Variants in PRTN3 observed in about 807,000 individuals in gnomAD.
PRTN3 encodes myeloblastin.
In PRTN3, 22 loss-of-function variants were observed where a neutral mutation model predicts 20.7. That is an observed-to-expected ratio of 1.06 (90% CI 0.76 to 1.52). The LOEUF (loss-of-function observed/expected upper bound fraction) is 1.52, where lower values mean the gene tolerates loss of function less well. Ranked by LOEUF, PRTN3 falls within the 40% of genes most tolerant of loss-of-function variation. PRTN3 has a pLI of 0.00. For missense variants in PRTN3, 378 were observed against 359.6 expected, an observed-to-expected ratio of 1.05 and a Z score of -0.41; for synonymous variants, 173 against 152.9, an observed-to-expected ratio of 1.13 and a Z score of -0.97.
chr19:847,160 G>C (rs952021184), intron 4 of PRTN3, among the ~76,000 whole-genome samples: 6 of 152,154 alleles, frequency 3.9e-5, no homozygotes, highest in Non-Finnish European at 7.3e-5. Context: ...TTAAATATTA[G>C]CTGGGCATGG....
At chr19:841,510 G>T (rs1049272377) in intron 1 of PRTN3, among the ~76,000 whole-genome samples, 2 of 147,388 alleles carry the variant, frequency 1.4e-5, no homozygotes, top group Non-Finnish European at 3.0e-5. Flanking sequence ...GTGAATGAGT[G>T]AACGAATGAA....
rs773854252 is a variant in PRTN3, at chr19:843,440, G to A, written c.62-21G>A. ...CCCTGCAGCCTGGGGGCTCCCTGACGCCTGGACTCCCCCCCTGCAGGTGCT... is the reference window on the plus strand; with the variant it reads ...CCCTGCAGCCTGGGGGCTCCCTGACACCTGGACTCCCCCCCTGCAGGTGCT... On this transcript the variant is annotated intron_variant, in intron 1 of 4. Coordinates refer to ENST00000234347, the MANE Select transcript of PRTN3 (RefSeq NM_002777.4). 2.2e-5 allele frequency: 34 copies of A among 1,534,594 alleles called. No homozygotes were observed. In the African/African-American group the frequency reaches 4.3e-4, roughly 19 times the overall value.
chr19:846,007 G>T (rs892885132), intron 3 of PRTN3, 140 bp from the exon 4 acceptor site: 2 of 566,590 alleles, frequency 3.5e-6, no homozygotes, highest in African/African-American at 1.9e-5. Flanking sequence ...TGGGACAAAG[G>T]GGGTCGTGGG....
chr19:847,003 C>A (rs1599285483), intron 4 of PRTN3, among the ~76,000 whole-genome samples: 1 of 152,220 alleles, frequency 6.6e-6, no homozygotes, highest in Middle Eastern at 3.4e-3. Flanking sequence ...CTGGTGCTCA[C>A]ACATTTTAAA....
At position 845,168 on chromosome 19, in the gene PRTN3, G is replaced by A. The variant is rs566514801; in HGVS notation, c.370-979G>A. ...TTGCCACGTTGGCCAGGCTGGTCTC[G>A]AACTCCTGACCTCAAGTGATCTGCT... On this transcript the variant is annotated intron_variant, in intron 3 of 4. Coordinates refer to ENST00000234347, the MANE Select transcript of PRTN3 (RefSeq NM_002777.4). 5.3e-5 allele frequency among the ~76,000 whole-genome samples: 8 copies of A among 151,678 alleles called. No homozygotes were observed. In the South Asian group the frequency reaches 8.3e-4, roughly 16 times the overall value.
chr19:844,591 G>C (rs950135303), intron 3 of PRTN3, among the ~76,000 whole-genome samples: 1 of 147,230 alleles, frequency 6.8e-6, no homozygotes, highest in African/African-American at 2.5e-5. Context: ...GCCTCCTCCG[G>C]CGCCTCCCCT....
chr19:846,437 C>T (rs1354037378), intron 4 of PRTN3, 60 bp downstream of exon 4: 12 of 1,476,284 alleles, frequency 8.1e-6, no homozygotes, highest in African/African-American at 2.8e-5. Context: ...AGGGCGGCGG[C>T]CAGGGTTCCA....
intron 1 of PRTN3, among the ~76,000 whole-genome samples, chr19:842,810 T>A (rs564677633): frequency 3.3e-5 from 5 of 152,158 alleles, no homozygotes; most frequent in East Asian, 1.9e-4. Context: ...ATGGTCTCCA[T>A]CTCTTGACCT....
chr19:846,414 C>T, intron 4 of PRTN3, 37 bp downstream of exon 4: 1 of 1,535,436 alleles, frequency 6.5e-7, no homozygotes, highest in South Asian at 1.2e-5. Flanking sequence ...CACCGGGCTG[C>T]CATGAGGGGA....
At chr19:845,825 C>T (rs1242732566) in intron 3 of PRTN3, among the ~76,000 whole-genome samples, 2 of 151,976 alleles carry the variant, frequency 1.3e-5, no homozygotes, top group Non-Finnish European at 2.9e-5. Flanking sequence ...AGGCAGATCA[C>T]TTGAGGTTGG....
At chr19:846,485 A>T (rs2035518618) in intron 4 of PRTN3, 108 bp downstream of exon 4, 1 of 1,165,222 alleles carries the variant, frequency 8.6e-7, no homozygotes, top group African/African-American at 1.6e-5. Context: ...GCTGTGCCTC[A>T]GTCTCCCCAC....
Position 841,472 on chromosome 19 carries a change from ATGAG to A in PRTN3, c.61+411_61+414del, listed in dbSNP as rs1327530547. Among the ~76,000 whole-genome samples the A allele has an allele frequency of 5.3e-5, 8 of 151,770 alleles. No individual in the cohort carries two copies. In the East Asian group the frequency reaches 7.7e-4, roughly 15 times the overall value. The stretch of plus-strand genomic sequence containing the variant: ...AACAAATGAATGAGTGAATGAATCA[ATGAG>A]TGAGTGAATGAATGAGTGAATGAGT... On this transcript the variant is annotated intron_variant, in intron 1 of 4. Transcript: ENST00000234347.
At chr19:846,449 G>C in intron 4 of PRTN3, 72 bp downstream of exon 4, 1 of 1,410,640 alleles carries the variant, frequency 7.1e-7, no homozygotes, top group Non-Finnish European at 9.7e-7. Flanking sequence ...AGGGTTCCAC[G>C]CCACCTCTTA....
At chr19:844,133 C>G (rs887347114) in intron 3 of PRTN3, 99 bp downstream of exon 3, 1 of 1,431,080 alleles carries the variant, frequency 7.0e-7, no homozygotes, top group East Asian at 2.5e-5. Flanking sequence ...CACTGTATAC[C>G]GGGCCACGAC....
In PRTN3 at chr19:843,608, CGCACTGCCT is replaced by C. The variant is rs769088837; in HGVS notation, c.212_220del (p.His71_Leu73del). Reference sequence around the variant, plus strand: ...CACCCCAGCTTCGTGCTGACGGCCGCGCACTGCCTGCGGGACATGTGAGCGGCCGCCTCC... The same window carrying C: ...CACCCCAGCTTCGTGCTGACGGCCGCGCGGGACATGTGAGCGGCCGCCTCC... On this transcript the variant is annotated inframe_deletion, in exon 2 of 5. Transcript: ENST00000234347. 6.3e-7 allele frequency: 1 copy of C among 1,593,978 alleles called. No homozygotes were observed. Among genetic ancestry groups the C allele is most frequent in the South Asian group, 1.1e-5 (1 of 89,230 alleles).
chr19:846,490 C>G (rs1248102563), intron 4 of PRTN3, 113 bp downstream of exon 4: 43 of 1,130,780 alleles, frequency 3.8e-5, no homozygotes, highest in Non-Finnish European at 5.3e-5. Context: ...GCCTCAGTCT[C>G]CCCACCTGGA....
In PRTN3 at chr19:848,048, T is replaced by C; in HGVS notation, c.*79T>C. ...AGGCGGATCTTTGGACAGAAGCAGC[T>C]CTTCCCCGAACACTGTGGCGTCCGG... On this transcript the variant is annotated 3_prime_UTR_variant, in exon 5 of 5. Coordinates refer to ENST00000234347, the MANE Select transcript of PRTN3 (RefSeq NM_002777.4). 1 of 1,491,004 alleles carries C rather than the reference T, an allele frequency of 6.7e-7. No individual in the cohort carries two copies. Among genetic ancestry groups the C allele is most frequent in the Non-Finnish European group, 9.0e-7 (1 of 1,115,296 alleles). The allele number at this position is 1,491,004 out of a possible 1,614,324, so 92.4% of individuals were successfully genotyped here.
At chr19:841,954 C>A (rs1409489348) in intron 1 of PRTN3, among the ~76,000 whole-genome samples, 1 of 151,928 alleles carries the variant, frequency 6.6e-6, no homozygotes. Flanking sequence ...GTCTCGATCT[C>A]CTGACTTCGT....
At chr19:842,617 G>A (rs2035461233) in intron 1 of PRTN3, among the ~76,000 whole-genome samples, 1 of 110,372 alleles carries the variant, frequency 9.1e-6, no homozygotes, top group African/African-American at 4.5e-5. Context: ...GAGACGGAGT[G>A]TCATTCTGTT....
Sources: gnomAD v4.1 joint callset for allele counts (sites outside exome capture counted in the v4.1 genomes callset) on GRCh38, gnomAD v4.1.1 for gene constraint, MANE v1.5 for transcripts, NCBI Gene and HGNC (gene_info 2026-07-23, HGNC 2026-07-21) for gene names.